The following MCTP1 variants were observed in gnomAD, a reference collection of about 807,000 sequenced individuals.
MCTP1 encodes the protein multiple C2 and transmembrane domain containing 1.
Under a neutral mutation model 120.6 loss-of-function variants are expected in MCTP1, and 69 were observed. That is an observed-to-expected ratio of 0.57 (90% CI 0.47 to 0.70). MCTP1 has a LOEUF of 0.70. MCTP1 is among the 30% of genes least tolerant of loss of function. The probability of loss-of-function intolerance (pLI) is 0.00; values close to 1 mark genes in which losing one functional copy is unlikely to be tolerated. For missense variants in MCTP1, 1,203 were observed against 1,248.8 expected (o/e 0.96, Z 0.55); for synonymous variants, 529 against 493.1 (o/e 1.07, Z -0.96).
At chr5:94,865,327 A>T (rs1796601418) in intron 17 of MCTP1, among the ~76,000 whole-genome samples, 1 of 151,876 alleles carries the variant, frequency 6.6e-6, no homozygotes, top group African/African-American at 2.4e-5. Context: ...TTTGGATAGT[A>T]AAGTAGAAAA....
intron 19 of MCTP1, among the ~76,000 whole-genome samples, chr5:94,731,937 C>G (rs1763195456): frequency 1.3e-5 from 2 of 151,524 alleles, no homozygotes; most frequent in Non-Finnish European, 2.9e-5. Flanking sequence ...ATTCTTTTAC[C>G]TTAGGAGAGA....
At chr5:94,770,448 C>A (rs1051743775) in intron 19 of MCTP1, among the ~76,000 whole-genome samples, 2 of 152,080 alleles carry the variant, frequency 1.3e-5, no homozygotes, top group African/African-American at 2.4e-5. Flanking sequence ...TTTTTTGAGG[C>A]AAAGAAAATC....
intron 1 of MCTP1, among the ~76,000 whole-genome samples, chr5:95,212,958 C>A (rs1011500779): frequency 1.3e-5 from 2 of 152,148 alleles, no homozygotes; most frequent in African/African-American, 4.8e-5. Flanking sequence ...CGGCACAAGA[C>A]AGGGATGCCC....
chr5:95,172,891 A>G (rs1365967348), intron 1 of MCTP1, among the ~76,000 whole-genome samples: 1 of 152,204 alleles, frequency 6.6e-6, no homozygotes, highest in Admixed American at 6.5e-5. Flanking sequence ...TAAACACCCT[A>G]GAGCTTAACA....
Position 94,779,179 on chromosome 5 carries a change from GA to G in MCTP1, c.2557-17del. ...CCTCCACTACCTGCAGAGAGAAACA[GA>G]AGTCGTTTTTTGTGCTCTTAAAGGA... On this transcript the variant is annotated splice_polypyrimidine_tract_variant and intron_variant, in intron 18 of 22. Transcript: ENST00000515393. 6.2e-7 allele frequency: 1 copy of G among 1,613,006 alleles called. No individual in the cohort carries two copies. Among genetic ancestry groups the G allele is most frequent in the Non-Finnish European group, 8.5e-7 (1 of 1,179,090 alleles).
Position 95,283,893 on chromosome 5 carries a change from C to G in MCTP1, c.683G>C (p.Arg228Pro). 3 of 1,384,930 alleles carry G rather than the reference C, an allele frequency of 2.2e-6. No homozygotes were observed. Among genetic ancestry groups the G allele is most frequent in the South Asian group, 1.7e-5 (1 of 60,112 alleles). 85.8% of individuals were successfully genotyped at this position (1,384,930 alleles called of 1,614,324 possible). ...AEPARSPAES[R>P]APETGEEHGS... ...GTGCTCCTCGCCCGTCTCCGGGGCC[C>G]GAGACTCCGCGGGACTCCGCGCCGG... Residue 228 changes from arginine to proline, a missense_variant, in exon 1 of 23, where the codon CGG becomes CCG. Physicochemically the swap from Arg to Pro is moderately radical, Grantham distance 103. This residue lies in a region of MCTP1 where 463 missense variants were observed against 377.8 expected (regional missense o/e 1.23). Transcript: ENST00000515393.
At chr5:94,853,330 T>A (rs1481852073) in intron 17 of MCTP1, among the ~76,000 whole-genome samples, 1 of 151,980 alleles carries the variant, frequency 6.6e-6, no homozygotes, top group Non-Finnish European at 1.5e-5. Flanking sequence ...AGGACTCTCC[T>A]GTGTTCCAGA....
intron 1 of MCTP1, among the ~76,000 whole-genome samples, chr5:95,223,953 C>T (rs1428231344): frequency 2.0e-5 from 3 of 152,120 alleles, no homozygotes; most frequent in Non-Finnish European, 4.4e-5. Flanking sequence ...TTCTGTTTTT[C>T]TAGACTATTT....
chr5:95,125,247 A>G (rs1758537443), intron 1 of MCTP1, among the ~76,000 whole-genome samples: 1 of 152,220 alleles, frequency 6.6e-6, no homozygotes, highest in South Asian at 2.1e-4. Flanking sequence ...TAGGGTGCTT[A>G]AATGATTCAA....
intron 17 of MCTP1, among the ~76,000 whole-genome samples, chr5:94,858,565 C>T (rs1463321663): frequency 6.6e-6 from 1 of 151,688 alleles, no homozygotes; most frequent in Non-Finnish European, 1.5e-5. Context: ...AGACACCTGG[C>T]TTCCCTTAAT....
intron 1 of MCTP1, among the ~76,000 whole-genome samples, chr5:95,269,101 T>C (rs1031082495): frequency 2.0e-5 from 3 of 152,220 alleles, no homozygotes; most frequent in Admixed American, 2.0e-4. Context: ...TTCCCACTGC[T>C]TTACTGTTGT....
At chr5:94,997,443 C>T (rs1832828357) in intron 2 of MCTP1, among the ~76,000 whole-genome samples, 1 of 152,198 alleles carries the variant, frequency 6.6e-6, no homozygotes, top group Non-Finnish European at 1.5e-5. Context: ...ATTTATTCTT[C>T]TGAGAACAGC....
chr5:94,715,738 C>A (rs1192664778), intron 19 of MCTP1, among the ~76,000 whole-genome samples: 1 of 152,160 alleles, frequency 6.6e-6, no homozygotes, highest in South Asian at 2.1e-4. Flanking sequence ...TGCTTAGTAG[C>A]CTGGCATCAC....
intron 17 of MCTP1, among the ~76,000 whole-genome samples, chr5:94,843,790 G>C (rs1028045412): frequency 1.3e-5 from 2 of 152,226 alleles, no homozygotes; most frequent in Admixed American, 6.5e-5. Context: ...CACAATAGTA[G>C]AGAAGAGTTC....
chr5:94,785,609 C>T (rs1362287612), intron 18 of MCTP1, among the ~76,000 whole-genome samples: 2 of 152,034 alleles, frequency 1.3e-5, no homozygotes, highest in Non-Finnish European at 2.9e-5. Context: ...ATATTTTATA[C>T]ATTAATAACA....
At chr5:95,098,992 G>GA (rs1207261562) in intron 1 of MCTP1, among the ~76,000 whole-genome samples, 1 of 151,972 alleles carries the variant, frequency 6.6e-6, no homozygotes. Flanking sequence ...TCTGATCTTT[G>GA]ACAAACCTGA....
intron 1 of MCTP1, among the ~76,000 whole-genome samples, chr5:95,097,642 T>C (rs1377352292): frequency 1.3e-5 from 2 of 152,216 alleles, no homozygotes; most frequent in Non-Finnish European, 2.9e-5. Flanking sequence ...TAGAAAGAAC[T>C]TCTGTCTACA....
At chr5:95,074,136 T>A (rs1582163625) in intron 1 of MCTP1, among the ~76,000 whole-genome samples, 1 of 151,964 alleles carries the variant, frequency 6.6e-6, no homozygotes, top group Non-Finnish European at 1.5e-5. Flanking sequence ...AGAAAAAAAA[T>A]TACACTCTTG....
At chr5:94,788,416 T>A (rs17084049) in intron 18 of MCTP1, among the ~76,000 whole-genome samples, 4,220 of 152,252 alleles carry the variant, frequency 0.028, 70 homozygotes, top group Non-Finnish European at 0.031. Context: ...TCCTAATACT[T>A]CTGATTTATA....
Sources: gnomAD v4.1 joint callset for allele counts (sites outside exome capture counted in the v4.1 genomes callset) on GRCh38, gnomAD v4.1.1 for gene constraint, gnomAD v4.1.1 regional missense constraint, MANE v1.5 for transcripts, NCBI Gene and HGNC (gene_info 2026-07-23, HGNC 2026-07-21) for gene names.